Variants in ETS1 observed in about 807,000 individuals in gnomAD.
ETS1 encodes ETS proto-oncogene 1, transcription factor.
Under a neutral mutation model 58.6 loss-of-function variants are expected in ETS1, and 15 were observed. That is an observed-to-expected ratio of 0.26 (90% CI 0.17 to 0.39). The LOEUF (loss-of-function observed/expected upper bound fraction) is 0.39, where lower values mean the gene tolerates loss of function less well. Ranked by LOEUF, ETS1 falls within the 10% of genes least tolerant of loss-of-function variation. The pLI, the probability that ETS1 is intolerant of heterozygous loss-of-function variation, is 1.00. For synonymous variants in ETS1, 214 were observed against 218.2 expected (o/e 0.98, Z 0.17); for missense variants, 417 against 610.5 (o/e 0.68, Z 3.34).
intron 2 of ETS1, among the ~76,000 whole-genome samples, chr11:128,560,081 C>G (rs1297181183): frequency 6.6e-6 from 1 of 152,168 alleles, no homozygotes; most frequent in African/African-American, 2.4e-5. Flanking sequence ...CTGTTCAGTG[C>G]CCCCTGGCAC....
chr11:128,579,886 C>A lies in ETS1; in HGVS notation c.-14-6742G>T, dbSNP rs189653672. Among the ~76,000 whole-genome samples, 562 of 152,178 alleles carry A rather than the reference C, an allele frequency of 3.7e-3. 1 individual carries two copies. Among genetic ancestry groups the A allele is most frequent in the Middle Eastern group, 6.8e-3 (2 of 292 alleles). ...TCTTTCAGGAAGCTTTCCCCTCCCC[C>A]CTACCCTCTTTGGCAATTGCATGGA... On this transcript the variant is annotated intron_variant, in intron 1 of 9. Coordinates refer to ENST00000392668, the MANE Select transcript of ETS1 (RefSeq NM_001143820.2).
At chr11:128,504,066 A>G (rs935020876) in intron 3 of ETS1, among the ~76,000 whole-genome samples, 5 of 152,162 alleles carry the variant, frequency 3.3e-5, no homozygotes, top group Non-Finnish European at 7.4e-5. Flanking sequence ...GATTTAGGCA[A>G]TAATTGTGGG....
At chr11:128,568,098 C>T (rs958009656) in intron 2 of ETS1, among the ~76,000 whole-genome samples, 3 of 152,124 alleles carry the variant, frequency 2.0e-5, no homozygotes, top group Admixed American at 6.5e-5. Context: ...CACTCCTGCC[C>T]GAGCATGTTG....
intron 8 of ETS1, among the ~76,000 whole-genome samples, chr11:128,467,852 G>GTCTC (rs1199180670): frequency 6.6e-6 from 1 of 151,990 alleles, no homozygotes; most frequent in African/African-American, 2.4e-5. Context: ...TTAGAAGGAG[G>GTCTC]TCTCTTTCCA....
In ETS1 at chr11:128,544,340, A is replaced by AATATATATATATATATATATAT. The variant is rs10542616; in HGVS notation, c.214+11929_214+11950dup. ...ATGAAAAAGTGATTAATTGTTTACT[A>AATATATATATATATATATATAT]ATATATATATATATATATATATATA... On this transcript the variant is annotated intron_variant, in intron 3 of 9. Transcript: ENST00000392668. 2.0e-3 allele frequency among the ~76,000 whole-genome samples: 239 copies of AATATATATATATATATATATAT among 116,962 alleles called. 3 individuals carry two copies. The highest frequency in any genetic ancestry group is 2.3e-3 in the Non-Finnish European group (131 of 56,916). 76.7% of individuals were successfully genotyped at this position (116,962 alleles called of 152,430 possible).
At chr11:128,483,603 G>A (rs1450565590) in intron 7 of ETS1, among the ~76,000 whole-genome samples, 1 of 152,224 alleles carries the variant, frequency 6.6e-6, no homozygotes, top group African/African-American at 2.4e-5. Flanking sequence ...ACACCCTGGG[G>A]CCTTAAGAAG....
chr11:128,493,497 C>T (rs1017877252), intron 3 of ETS1, among the ~76,000 whole-genome samples: 1 of 152,250 alleles, frequency 6.6e-6, no homozygotes, highest in Non-Finnish European at 1.5e-5. Flanking sequence ...AGGTGCCTGG[C>T]TCTGCCCCTC....
At position 128,531,274 on chromosome 11, in the gene ETS1, G is replaced by A. The variant is rs375125841; in HGVS notation, c.214+25017C>T. On this transcript the variant is annotated intron_variant, in intron 3 of 9. Transcript: ENST00000392668. ...TTCTTCATCTACAGAATGGAGATGC[G>A]GAAAGTGCCTAGTTCACAGAGTTGA... is the stretch of plus-strand genomic sequence containing the variant. Among the ~76,000 whole-genome samples the A allele has an allele frequency of 3.3e-4, 51 of 152,322 alleles. 2 individuals are homozygous for A. The highest frequency in any genetic ancestry group is 1.1e-3 in the African/African-American group (47 of 41,572).
intron 3 of ETS1, among the ~76,000 whole-genome samples, chr11:128,504,574 C>T (rs1863180207): frequency 6.6e-6 from 1 of 152,198 alleles, no homozygotes; most frequent in Non-Finnish European, 1.5e-5. Flanking sequence ...TTAGAAGACG[C>T]TTTCGATGTC....
chr11:128,490,600 A>G, intron 3 of ETS1, 24 bp from the exon 4 acceptor site: 1 of 1,593,342 alleles, frequency 6.3e-7, no homozygotes, highest in Non-Finnish European at 8.6e-7. Context: ...TTGCATATGA[A>G]TAACAAAAAT....
At chr11:128,572,984 G>T in intron 2 of ETS1, 78 bp downstream of exon 2, 1 of 1,132,858 alleles carries the variant, frequency 8.8e-7, no homozygotes. Context: ...TGTCTACTGG[G>T]GGTCAGGATA....
intron 5 of ETS1, 132 bp from the exon 6 acceptor site, chr11:128,486,278 G>T: frequency 1.6e-6 from 1 of 616,732 alleles, no homozygotes; most frequent in East Asian, 2.7e-5. Context: ...CATTAACTGG[G>T]TTGGTATCTG....
chr11:128,559,416 A>G (rs2135561038), intron 2 of ETS1, among the ~76,000 whole-genome samples: 1 of 152,330 alleles, frequency 6.6e-6, no homozygotes, highest in East Asian at 1.9e-4. Context: ...GCACAGAATC[A>G]GCTTGATTTT....
chr11:128,543,857 T>A (rs1434105948), intron 3 of ETS1, among the ~76,000 whole-genome samples: 2 of 152,232 alleles, frequency 1.3e-5, no homozygotes, highest in East Asian at 3.8e-4. Context: ...AGAGTCATAT[T>A]TTCCCCTCAC....
chr11:128,530,141 T>C (rs1863871647), intron 3 of ETS1: 1 of 152,244 alleles, frequency 6.6e-6, no homozygotes, highest in African/African-American at 2.4e-5. Context: ...TCTCCAGCGT[T>C]ACAGCTCACA....
intron 3 of ETS1, among the ~76,000 whole-genome samples, chr11:128,495,913 A>G (rs1268612669): frequency 6.6e-6 from 1 of 152,140 alleles, no homozygotes; most frequent in Non-Finnish European, 1.5e-5. Context: ...GCAATTTTCA[A>G]ACATACATAA....
intron 2 of ETS1, among the ~76,000 whole-genome samples, chr11:128,559,971 A>G (rs1460857828): frequency 6.6e-6 from 1 of 151,896 alleles, no homozygotes; most frequent in Non-Finnish European, 1.5e-5. Flanking sequence ...TGCAAGCAAC[A>G]CTCCCCATCT....
intron 3 of ETS1, among the ~76,000 whole-genome samples, chr11:128,554,977 G>A (rs1404272016): frequency 6.6e-6 from 1 of 152,078 alleles, no homozygotes; most frequent in Non-Finnish European, 1.5e-5. Context: ...AAATGGATAG[G>A]TAGCTGAGAC....
intron 6 of ETS1, 147 bp from the exon 7 acceptor site, chr11:128,485,218 A>C (rs1022619253): frequency 2.3e-5 from 15 of 654,486 alleles, no homozygotes; most frequent in Non-Finnish European, 3.8e-5. Context: ...TGCATTTTTA[A>C]CCTTGTCCAC....
Sources: gnomAD v4.1 joint callset for allele counts (sites outside exome capture counted in the v4.1 genomes callset) on GRCh38, gnomAD v4.1.1 for gene constraint, MANE v1.5 for transcripts, NCBI Gene and HGNC (gene_info 2026-07-23, HGNC 2026-07-21) for gene names.